Variants in ACTR3C observed in about 807,000 individuals in gnomAD.
The protein encoded by ACTR3C is actin related protein 3C.
ACTR3C carries 18 observed loss-of-function variants against 26.3 expected under a neutral mutation model. That is an observed-to-expected ratio of 0.68 (90% confidence interval 0.47 to 1.01). The LOEUF is 1.01. Ranked by LOEUF, ACTR3C falls within the 50% of genes least tolerant of loss-of-function variation. ACTR3C has a pLI of 0.00. For synonymous variants in ACTR3C, 55 were observed against 94.5 expected (o/e 0.58, Z 2.42); for missense variants, 184 against 250.7 (o/e 0.73, Z 1.80).
chr7:149,906,412 C>CTT, the ACTR3C span, among the ~76,000 whole-genome samples: 3 of 72,106 alleles, frequency 4.2e-5, no homozygotes, highest in African/African-American at 1.5e-4. Flanking sequence ...GGGTTTGTTT[C>CTT]TTTTTTTTTT....
the ACTR3C span, among the ~76,000 whole-genome samples, chr7:150,038,263 C>A: frequency 1.6e-3 from 227 of 144,750 alleles, 6 homozygotes; most frequent in East Asian, 0.019. Context: ...CCTTTAGCAA[C>A]CCTGTCTAGT....
chr7:150,287,697 G>A (rs1835902070), intron 4 of ACTR3C, among the ~76,000 whole-genome samples: 1 of 150,800 alleles, frequency 6.6e-6, no homozygotes, highest in Non-Finnish European at 1.5e-5. Context: ...CATCTTCTGG[G>A]TATCTTGGAT....
the ACTR3C span, among the ~76,000 whole-genome samples, chr7:150,026,722 T>G: frequency 2.0e-5 from 3 of 152,092 alleles, no homozygotes; most frequent in African/African-American, 7.3e-5. Context: ...TTAAGAATTT[T>G]GCATGACCTC....
chr7:149,926,033 A>G, the ACTR3C span, among the ~76,000 whole-genome samples: 7 of 152,268 alleles, frequency 4.6e-5, no homozygotes, highest in Non-Finnish European at 7.3e-5. Flanking sequence ...GCCGCACTCT[A>G]GCATGGGCAA....
the ACTR3C span, among the ~76,000 whole-genome samples, chr7:150,220,391 G>C: frequency 4.1e-5 from 6 of 145,256 alleles, no homozygotes; most frequent in African/African-American, 1.4e-4. Flanking sequence ...CGCGCCTCGG[G>C]GGAGACGCGA....
At chr7:150,070,200 G>A in the ACTR3C span, among the ~76,000 whole-genome samples, 1 of 152,168 alleles carries the variant, frequency 6.6e-6, no homozygotes, top group African/African-American at 2.4e-5. Context: ...AAGCCTGTCT[G>A]GAGGCTCTGG....
chr7:149,887,063 A>G, the ACTR3C span, among the ~76,000 whole-genome samples: 1 of 152,200 alleles, frequency 6.6e-6, no homozygotes, highest in Non-Finnish European at 1.5e-5. Context: ...CAAAACACAT[A>G]CAAAATGGAA....
At chr7:149,996,134 G>A in the ACTR3C span, among the ~76,000 whole-genome samples, 1 of 152,272 alleles carries the variant, frequency 6.6e-6, no homozygotes, top group Non-Finnish European at 1.5e-5. Flanking sequence ...CCATTCTAGG[G>A]GACGTGGGGA....
chr7:149,975,022 C>CG, the ACTR3C span, among the ~76,000 whole-genome samples: 3 of 152,114 alleles, frequency 2.0e-5, no homozygotes, highest in Admixed American at 1.3e-4. Flanking sequence ...CATGCTCTGG[C>CG]GGGAACACCT....
the ACTR3C span, among the ~76,000 whole-genome samples, chr7:149,927,098 T>C: frequency 6.6e-6 from 1 of 151,990 alleles, no homozygotes; most frequent in African/African-American, 2.4e-5. Context: ...TGTGCACTTT[T>C]ACCGAACTGG....
the ACTR3C span, among the ~76,000 whole-genome samples, chr7:149,931,531 A>T: frequency 6.6e-6 from 1 of 152,092 alleles, no homozygotes; most frequent in African/African-American, 2.4e-5. Flanking sequence ...GCAGGTTTGC[A>T]CCCACAGTGA....
At chr7:150,046,741 G>C in the ACTR3C span, among the ~76,000 whole-genome samples, 1 of 144,918 alleles carries the variant, frequency 6.9e-6, no homozygotes, top group African/African-American at 2.6e-5. Flanking sequence ...ATCCTTGAAA[G>C]GGATCCACAG....
At chr7:149,921,044 C>T in the ACTR3C span, among the ~76,000 whole-genome samples, 10 of 152,182 alleles carry the variant, frequency 6.6e-5, no homozygotes, top group African/African-American at 2.4e-4. Flanking sequence ...GCGTGAGCCA[C>T]CGTGCCCGGC....
the ACTR3C span, among the ~76,000 whole-genome samples, chr7:149,936,424 G>A: frequency 2.0e-5 from 3 of 152,194 alleles, no homozygotes; most frequent in African/African-American, 7.2e-5. Context: ...TGTATACAAT[G>A]TAGACCACAC....
intron 6 of ACTR3C, among the ~76,000 whole-genome samples, chr7:150,250,105 GT>G (rs1480000452): frequency 2.0e-5 from 3 of 151,738 alleles, no homozygotes; most frequent in Non-Finnish European, 4.4e-5. Flanking sequence ...ATGTGGGGCT[GT>G]TGGTTACATT....
At chr7:150,320,588 C>G (rs1266416776) in intron 1 of ACTR3C, among the ~76,000 whole-genome samples, 1 of 152,166 alleles carries the variant, frequency 6.6e-6, no homozygotes, top group Non-Finnish European at 1.5e-5. Context: ...TATGGCAAAA[C>G]CCCGTCTCTA....
the ACTR3C span, among the ~76,000 whole-genome samples, chr7:150,032,361 C>T: frequency 7.9e-5 from 12 of 152,156 alleles, no homozygotes; most frequent in African/African-American, 2.9e-4. Flanking sequence ...TCTGCAGAAC[C>T]ACTTTGTCCT....
At chr7:149,999,410 C>T in the ACTR3C span, among the ~76,000 whole-genome samples, 4 of 150,682 alleles carry the variant, frequency 2.7e-5, no homozygotes, top group African/African-American at 4.9e-5. Flanking sequence ...CGCAGCACGG[C>T]GGGAGAGTGG....
chr7:149,912,287 A>T, the ACTR3C span, among the ~76,000 whole-genome samples: 7 of 152,134 alleles, frequency 4.6e-5, no homozygotes, highest in African/African-American at 1.4e-4. Context: ...AGACTTGAGC[A>T]CTGTTAGGCT....
Sources: allele counts gnomAD v4.1 joint callset (sites outside exome capture counted in the v4.1 genomes callset), GRCh38; gene constraint gnomAD v4.1.1; transcripts MANE v1.5; gene names NCBI Gene and HGNC (gene_info 2026-07-23, HGNC 2026-07-21).